AHNAK: variants seen among roughly 807,000 people sequenced by gnomAD.
AHNAK encodes the protein neuroblast differentiation-associated protein AHNAK.
Under a neutral mutation model 37.8 loss-of-function variants are expected in AHNAK, and 23 were observed. The ratio of observed to expected loss-of-function variants is 0.61; its 90% CI spans 0.44 to 0.86. The LOEUF is 0.86. AHNAK is among the 40% of genes least tolerant of loss of function. The probability of loss-of-function intolerance (pLI) is 0.00; values close to 1 mark genes in which losing one functional copy is unlikely to be tolerated. For missense variants in AHNAK, 7,411 were observed against 7,319.4 expected, an observed-to-expected ratio of 1.01 and a Z score of -0.46; for synonymous variants, 2,481 against 2,636.3, an observed-to-expected ratio of 0.94 and a Z score of 1.80.
chr11:62,480,149 G>C (rs627319), intron 5 of AHNAK, among the ~76,000 whole-genome samples: 116,229 of 152,206 alleles, frequency 0.76, 50,528 homozygotes, highest in Non-Finnish European at 0.96. Flanking sequence ...CTGGGAGCAG[G>C]CTGGACCCAG....
At chr11:62,464,225 G>C (rs1049331359) in intron 5 of AHNAK, among the ~76,000 whole-genome samples, 1 of 151,022 alleles carries the variant, frequency 6.6e-6, no homozygotes, top group Non-Finnish European at 1.5e-5. Context: ...TTTCTTTTTT[G>C]GGGGCGGGGC....
intron 4 of AHNAK, among the ~76,000 whole-genome samples, chr11:62,502,217 C>A (rs1939725108): frequency 6.6e-6 from 1 of 152,180 alleles, no homozygotes. Context: ...GCAGGGCAGT[C>A]CTGGGGGCTG....
intron 5 of AHNAK, among the ~76,000 whole-genome samples, chr11:62,468,415 G>A (rs1236184260): frequency 6.6e-6 from 1 of 151,708 alleles, no homozygotes. Flanking sequence ...ACAGACTACA[G>A]TAAGAGCTAG....
At chr11:62,492,820 G>A (rs1260748154) in intron 4 of AHNAK, among the ~76,000 whole-genome samples, 1 of 149,424 alleles carries the variant, frequency 6.7e-6, no homozygotes, top group East Asian at 1.9e-4. Flanking sequence ...CAAGGCTACA[G>A]TGAGCCATGA....
chr11:62,480,683 G>GA (rs1017747182), intron 5 of AHNAK, among the ~76,000 whole-genome samples: 4 of 146,796 alleles, frequency 2.7e-5, no homozygotes, highest in African/African-American at 1.0e-4. Context: ...GAAAAGAAAA[G>GA]AAAAAAAAGA....
intron 5 of AHNAK, among the ~76,000 whole-genome samples, chr11:62,438,860 A>G (rs1469787518): frequency 5.3e-5 from 8 of 152,114 alleles, no homozygotes; most frequent in Admixed American, 5.2e-4. Context: ...GGTCTCATAG[A>G]AAAACTAATC....
chr11:62,456,270 A>C (rs562044685), intron 5 of AHNAK, among the ~76,000 whole-genome samples: 5 of 152,204 alleles, frequency 3.3e-5, no homozygotes, highest in Non-Finnish European at 7.3e-5. Flanking sequence ...ATGTTACAGC[A>C]GCCTGAGCAA....
chr11:62,486,559 G>C (rs79970124), intron 5 of AHNAK, among the ~76,000 whole-genome samples: 22,530 of 145,018 alleles, frequency 0.16, 3,232 homozygotes, highest in East Asian at 0.37. Context: ...AGGGAGGGAG[G>C]GAGGGAGCAT....
In AHNAK at chr11:62,505,836, C is replaced by A. The variant is rs192034609; in HGVS notation, c.343-14005G>T. ...CCCGGGCTCTTTCTCTCGTTTCCCC[C>A]CTTAGTTTTCTGCTTGCTTTCTTCT... On this transcript the variant is annotated intron_variant, in intron 4 of 5. Transcript: ENST00000257247. 4.2e-4 allele frequency among the ~76,000 whole-genome samples: 64 copies of A among 151,422 alleles called. 1 individual carries two copies. The East Asian group carries it at 0.012, about 29-fold the overall frequency.
chr11:62,458,753 G>A (rs1938722200), intron 5 of AHNAK, among the ~76,000 whole-genome samples: 1 of 151,984 alleles, frequency 6.6e-6, no homozygotes, highest in Non-Finnish European at 1.5e-5. Flanking sequence ...TTTCCTCAAG[G>A]TGTAGATCCT....
chr11:62,511,854 T>G (rs536620678), downstream of AHNAK, among the ~76,000 whole-genome samples: 38 of 152,002 alleles, frequency 2.5e-4, no homozygotes, highest in Non-Finnish European at 4.9e-4. Flanking sequence ...CCGGGCTAGT[T>G]TGTTTCTTTT....
intron 1 of AHNAK, among the ~76,000 whole-genome samples, chr11:62,542,966 G>C (rs559072225): frequency 9.2e-5 from 14 of 152,180 alleles, no homozygotes; most frequent in Non-Finnish European, 1.9e-4. Context: ...TACTGCAGGG[G>C]CGTGGGGCCA....
At chr11:62,460,655 G>C (rs1443305260) in intron 5 of AHNAK, among the ~76,000 whole-genome samples, 3 of 152,188 alleles carry the variant, frequency 2.0e-5, no homozygotes, top group Non-Finnish European at 4.4e-5. Flanking sequence ...AGAAGAGAAG[G>C]AGAGCAAGCC....
At position 62,533,375 on chromosome 11, in the gene AHNAK, T is replaced by C. The variant is rs777030993; in HGVS notation, c.1042A>G (p.Thr348Ala). ...VGHKGGKPGL[T>A]IQAPQLEVSV... Reference sequence around the variant, plus strand: ...ACTTCCAGCTGAGGGGCTTGGATAGTCAAGCCTGGCTTGCCGCCCTTGTGC... The same window carrying C: ...ACTTCCAGCTGAGGGGCTTGGATAGCCAAGCCTGGCTTGCCGCCCTTGTGC... Residue 348 changes from threonine to alanine, a missense_variant, in exon 5 of 5, where the codon ACT (threonine) becomes GCT (alanine). By Grantham distance (58) the Thr-to-Ala change is moderately conservative. Coordinates refer to ENST00000378024, the MANE Select transcript of AHNAK (RefSeq NM_001620.3). 4 of 1,583,930 alleles carry C rather than the reference T, an allele frequency of 2.5e-6. No homozygotes were observed. The highest frequency in any genetic ancestry group is 2.6e-6 in the Non-Finnish European group (3 of 1,165,576).
intron 5 of AHNAK, among the ~76,000 whole-genome samples, chr11:62,441,113 G>T (rs537560052): frequency 7.6e-4 from 116 of 152,024 alleles, no homozygotes; most frequent in Non-Finnish European, 1.3e-3. Flanking sequence ...CAATTCTCCT[G>T]CCTCAGTCTC....
At position 62,486,639 on chromosome 11, in the gene AHNAK, T is replaced by C. The variant is rs113692813; in HGVS notation, c.442+5093A>G. Reference sequence around the variant, plus strand: ...GTTTCAATTGGGGAAGATGAGAAAGTTCTGGAGCTGCACAGTGGAGATGGT... The same window carrying C: ...GTTTCAATTGGGGAAGATGAGAAAGCTCTGGAGCTGCACAGTGGAGATGGT... On this transcript the variant is annotated intron_variant, in intron 5 of 5. Transcript: ENST00000257247. 4.0e-3 allele frequency among the ~76,000 whole-genome samples: 609 copies of C among 152,188 alleles called. 2 individuals are homozygous for C. The highest frequency in any genetic ancestry group is 5.9e-3 in the Non-Finnish European group (399 of 68,000).
intron 5 of AHNAK, among the ~76,000 whole-genome samples, chr11:62,449,247 C>T (rs1334499022): frequency 6.6e-6 from 1 of 152,224 alleles, no homozygotes; most frequent in African/African-American, 2.4e-5. Flanking sequence ...GCTATGCTCT[C>T]TCCTTCCGTT....
intron 5 of AHNAK, among the ~76,000 whole-genome samples, chr11:62,472,036 C>T (rs1939046142): frequency 6.6e-6 from 1 of 152,000 alleles, no homozygotes; most frequent in South Asian, 2.1e-4. Flanking sequence ...GCCCATGACC[C>T]GGGTCCTCCT....
chr11:62,527,358 T>C lies in AHNAK; in HGVS notation c.7059A>G (p.Leu2353=), dbSNP rs1379893916. 6.2e-7 allele frequency: 1 copy of C among 1,614,070 alleles called. No homozygotes were observed. The highest frequency in any genetic ancestry group is 1.1e-5 in the South Asian group (1 of 91,078). ...GPELDVKGPK[L]DADMPEVAVE... is the part of the protein sequence containing the mutation. ...CAGCTACTTCTGGCATGTCAGCATC[T>C]AATTTGGGACCTTTGACATCCAATT... The change falls in exon 5 of 5, where the codon TTA becomes TTG. Residue 2353 remains leucine (L), a synonymous_variant. Coordinates refer to ENST00000378024, the MANE Select transcript of AHNAK (RefSeq NM_001620.3).
Sources: allele counts gnomAD v4.1 joint callset (sites outside exome capture counted in the v4.1 genomes callset), GRCh38; gene constraint gnomAD v4.1.1; transcripts MANE v1.5; gene names NCBI Gene and HGNC (gene_info 2026-07-23, HGNC 2026-07-21).